GAS2: variants seen among roughly 807,000 people sequenced by gnomAD.
GAS2 encodes the protein growth arrest-specific protein 2.
A neutral mutation model predicts 37.5 loss-of-function variants in GAS2; 20 were observed. The observed-to-expected ratio is 0.53, with a 90% CI of 0.37 to 0.77. The LOEUF is 0.77. Ranked by LOEUF, GAS2 falls within the 30% of genes least tolerant of loss-of-function variation. The pLI is 0.00. For missense variants in GAS2, 336 were observed against 373.4 expected (o/e 0.90, Z 0.82); for synonymous variants, 144 against 132.2 (o/e 1.09, Z -0.61).
rs1006996535 is a variant in GAS2, at chr11:22,650,435, C to T, written c.-20-24415C>T. 2.2e-3 allele frequency among the ~76,000 whole-genome samples: 327 copies of T among 151,928 alleles called. 1 individual carries two copies. The highest frequency in any genetic ancestry group is 3.7e-3 in the Non-Finnish European group (252 of 67,964). ...GAGTTCTGTAGATGTCTATTAGGTC[C>T]GTTTGGTGCAGAGCTGAGTTCAATT... is the stretch of plus-strand genomic sequence containing the variant. On this transcript the variant is annotated intron_variant, in intron 1 of 5. Transcript: ENST00000528582.
In GAS2 at chr11:22,705,599, T is replaced by C. The variant is rs1851076593; in HGVS notation, c.267+19810T>C. 6.6e-5 allele frequency among the ~76,000 whole-genome samples: 10 copies of C among 152,306 alleles called. No individual in the cohort carries two copies. In the South Asian group the frequency reaches 2.1e-3, roughly 32 times the overall value. ...GATATCAATGGAAGTGCTAAATAAG[T>C]GATACCCACCAGTGGTTCTCAACTT... On this transcript the variant is annotated intron_variant, in intron 3 of 7. Transcript: ENST00000454584.
intron 1 of GAS2, among the ~76,000 whole-genome samples, chr11:22,655,326 G>A (rs1267817333): frequency 6.6e-6 from 1 of 152,130 alleles, no homozygotes; most frequent in East Asian, 1.9e-4. Flanking sequence ...TTCTTCAGAT[G>A]TTTGTTTCCT....
chr11:22,687,351 T>C (rs944573377), intron 3 of GAS2, among the ~76,000 whole-genome samples: 1 of 152,052 alleles, frequency 6.6e-6, no homozygotes, highest in African/African-American at 2.4e-5. Flanking sequence ...AATAAAATAA[T>C]ACTGAGACCT....
chr11:22,661,161 A>G (rs1303817374), intron 1 of GAS2, among the ~76,000 whole-genome samples: 1 of 152,184 alleles, frequency 6.6e-6, no homozygotes, highest in Non-Finnish European at 1.5e-5. Flanking sequence ...TCTCACTTAT[A>G]AGTAAATTGT....
chr11:22,784,516 G>A (rs1855732698), intron 7 of GAS2, among the ~76,000 whole-genome samples: 1 of 152,130 alleles, frequency 6.6e-6, no homozygotes, highest in South Asian at 2.1e-4. Flanking sequence ...CTGTAGAATG[G>A]ATATAGAAAT....
rs147454214 is a variant in GAS2 at position 22,765,952 on chromosome 11, T to C, written c.723+9999T>C. Among the ~76,000 whole-genome samples the C allele has an allele frequency of 4.6e-5, 7 of 152,158 alleles. No homozygotes were observed. The East Asian group carries it at 1.2e-3, about 25-fold the overall frequency. On this transcript the variant is annotated intron_variant, in intron 7 of 7. Coordinates refer to ENST00000454584, the MANE Select transcript of GAS2 (RefSeq NM_001143830.3). ...GAGCAGGTACTTCACACGGTGAAAG[T>C]AGGAACAAGAGAGAGTGGGAGGGGA... is the stretch of plus-strand genomic sequence containing the variant.
chr11:22,758,717 C>T (rs960283845), intron 7 of GAS2, among the ~76,000 whole-genome samples: 1 of 151,946 alleles, frequency 6.6e-6, no homozygotes, highest in Non-Finnish European at 1.5e-5. Flanking sequence ...AGTTCGAGAC[C>T]AGCCTGACCA....
chr11:22,793,402 A>C (rs951112894), intron 7 of GAS2, among the ~76,000 whole-genome samples: 1 of 152,230 alleles, frequency 6.6e-6, no homozygotes, highest in Admixed American at 6.5e-5. Flanking sequence ...TTCAGATAGT[A>C]GGAAAACTTT....
intron 6 of GAS2, among the ~76,000 whole-genome samples, chr11:22,749,785 G>A (rs1037935047): frequency 6.6e-6 from 1 of 151,988 alleles, no homozygotes; most frequent in Non-Finnish European, 1.5e-5. Flanking sequence ...CAAAAGTTTT[G>A]TCTAACTCTT....
At chr11:22,709,288 C>G (rs1229002144) in intron 3 of GAS2, among the ~76,000 whole-genome samples, 1 of 150,714 alleles carries the variant, frequency 6.6e-6, no homozygotes, top group Non-Finnish European at 1.5e-5. Flanking sequence ...TTTATTTTTT[C>G]CTGTGTATAT....
At chr11:22,695,199 T>C (rs1850440743) in intron 3 of GAS2, among the ~76,000 whole-genome samples, 1 of 152,030 alleles carries the variant, frequency 6.6e-6, no homozygotes, top group Non-Finnish European at 1.5e-5. Flanking sequence ...CATGCACCTG[T>C]AATCCCAGCA....
chr11:22,654,688 G>T (rs1172509019), intron 1 of GAS2, among the ~76,000 whole-genome samples: 1 of 152,120 alleles, frequency 6.6e-6, no homozygotes, highest in African/African-American at 2.4e-5. Context: ...AAGCCATCAT[G>T]CTTGAACTGT....
chr11:22,711,049 A>C (rs1851380740), intron 3 of GAS2, among the ~76,000 whole-genome samples: 1 of 152,208 alleles, frequency 6.6e-6, no homozygotes, highest in African/African-American at 2.4e-5. Flanking sequence ...CAAGAACATC[A>C]CAGGAACAAA....
At chr11:22,783,993 A>C (rs1440787237) in intron 7 of GAS2, among the ~76,000 whole-genome samples, 3 of 152,038 alleles carry the variant, frequency 2.0e-5, no homozygotes, top group African/African-American at 7.2e-5. Context: ...GTTCTGTTCC[A>C]TTGGTCTATA....
chr11:22,743,330 A>C (rs1853196678), intron 5 of GAS2, among the ~76,000 whole-genome samples: 1 of 152,106 alleles, frequency 6.6e-6, no homozygotes, highest in South Asian at 2.1e-4. Context: ...GAATTTTAGC[A>C]ACAGAACCTT....
chr11:22,804,500 A>T (rs1856803169), intron 7 of GAS2, among the ~76,000 whole-genome samples: 1 of 152,086 alleles, frequency 6.6e-6, no homozygotes, highest in African/African-American at 2.4e-5. Flanking sequence ...GTCAGTTAAG[A>T]GGTAGAGGGC....
chr11:22,639,090 T>A (rs1416729757), intron 1 of GAS2, among the ~76,000 whole-genome samples: 1 of 152,180 alleles, frequency 6.6e-6, no homozygotes, highest in East Asian at 1.9e-4. Flanking sequence ...GCAAACATGT[T>A]TGCCATGTTT....
intron 1 of GAS2, among the ~76,000 whole-genome samples, chr11:22,674,592 T>A (rs1364465303): frequency 6.6e-6 from 1 of 152,248 alleles, no homozygotes; most frequent in Non-Finnish European, 1.5e-5. Context: ...TTTCCAAGTA[T>A]ATTGTTTCAT....
chr11:22,771,852 A>C (rs1444831993), intron 7 of GAS2, among the ~76,000 whole-genome samples: 1 of 152,200 alleles, frequency 6.6e-6, no homozygotes, highest in Admixed American at 6.5e-5. Context: ...GTGCTATTTG[A>C]AAGAACTGTT....
Sources: allele counts gnomAD v4.1 joint callset (sites outside exome capture counted in the v4.1 genomes callset), GRCh38; gene constraint gnomAD v4.1.1; transcripts MANE v1.5; gene names NCBI Gene and HGNC (gene_info 2026-07-23, HGNC 2026-07-21).